Variants in DLG2 observed in about 807,000 individuals in gnomAD.
DLG2 encodes disks large homolog 2.
A neutral mutation model predicts 132.5 loss-of-function variants in DLG2; 45 were observed. The ratio of observed to expected loss-of-function variants is 0.34; its 90% CI spans 0.27 to 0.44. The LOEUF is 0.44. DLG2 is among the 20% of genes least tolerant of loss of function. DLG2 has a pLI of 1.00. For missense variants in DLG2, 1,045 were observed against 1,196.9 expected (o/e 0.87, Z 1.87); for synonymous variants, 424 against 419.6 (o/e 1.01, Z -0.13).
At chr11:84,213,484 TA>T (rs2096784759) in intron 8 of DLG2, among the ~76,000 whole-genome samples, 1 of 152,096 alleles carries the variant, frequency 6.6e-6, no homozygotes, top group Admixed American at 6.5e-5. Flanking sequence ...AAGAGTTTAT[TA>T]AAAATGTAAA....
chr11:83,679,020 G>A (rs554192254), intron 18 of DLG2, among the ~76,000 whole-genome samples: 1 of 152,168 alleles, frequency 6.6e-6, no homozygotes, highest in South Asian at 2.1e-4. Flanking sequence ...AGCAGATATG[G>A]GGCCAAGATC....
chr11:83,504,531 T>C (rs2094596525), intron 21 of DLG2, among the ~76,000 whole-genome samples: 1 of 152,160 alleles, frequency 6.6e-6, no homozygotes, highest in Non-Finnish European at 1.5e-5. Context: ...GACTTAAAAG[T>C]AGGAGGAGCC....
chr11:84,655,212 C>A (rs562096264), intron 6 of DLG2, among the ~76,000 whole-genome samples: 1 of 152,124 alleles, frequency 6.6e-6, no homozygotes, highest in Non-Finnish European at 1.5e-5. Context: ...TTCCTCCCGT[C>A]CCATTCCAAT....
chr11:85,517,924 A>T (rs2094200898), intron 3 of DLG2, among the ~76,000 whole-genome samples: 1 of 152,148 alleles, frequency 6.6e-6, no homozygotes, highest in South Asian at 2.1e-4. Context: ...TATTATAAGG[A>T]GAGTTTCCCT....
At chr11:85,217,203 T>G (rs2082674589) in intron 4 of DLG2, among the ~76,000 whole-genome samples, 1 of 152,014 alleles carries the variant, frequency 6.6e-6, no homozygotes, top group Admixed American at 6.6e-5. Flanking sequence ...TGATATGAAC[T>G]CAAACTCAAG....
intron 3 of DLG2, among the ~76,000 whole-genome samples, chr11:85,466,168 G>T (rs1597585554): frequency 6.6e-6 from 1 of 152,212 alleles, no homozygotes; most frequent in East Asian, 1.9e-4. Context: ...TTTTTTTCTT[G>T]TAAATTTGTT....
intron 9 of DLG2, among the ~76,000 whole-genome samples, chr11:84,105,443 T>C (rs1344631363): frequency 6.6e-6 from 1 of 152,158 alleles, no homozygotes; most frequent in East Asian, 1.9e-4. Flanking sequence ...CAATGTTAGT[T>C]CAATTCCTTT....
intron 6 of DLG2, among the ~76,000 whole-genome samples, chr11:84,821,250 A>G (rs1259774588): frequency 6.6e-6 from 1 of 151,806 alleles, no homozygotes; most frequent in Non-Finnish European, 1.5e-5. Flanking sequence ...ACTTACTACA[A>G]TCTTATGATT....
At chr11:85,028,645 T>C (rs1285863191) in intron 6 of DLG2, among the ~76,000 whole-genome samples, 1 of 152,124 alleles carries the variant, frequency 6.6e-6, no homozygotes, top group Non-Finnish European at 1.5e-5. Flanking sequence ...GTGCCTAGGC[T>C]CAGCCTCAAC....
At chr11:84,991,405 A>C (rs930162851) in intron 6 of DLG2, among the ~76,000 whole-genome samples, 1 of 151,672 alleles carries the variant, frequency 6.6e-6, no homozygotes, top group Admixed American at 6.6e-5. Flanking sequence ...GCTACTCAGA[A>C]GGCTGAAGTG....
intron 6 of DLG2, among the ~76,000 whole-genome samples, chr11:84,911,468 C>T: frequency 6.6e-6 from 1 of 151,726 alleles, no homozygotes; most frequent in East Asian, 1.9e-4. Context: ...AAAAACTTCT[C>T]AATTATTTGA....
At chr11:85,492,171 A>C (rs1211950477) in intron 3 of DLG2, among the ~76,000 whole-genome samples, 1 of 152,296 alleles carries the variant, frequency 6.6e-6, no homozygotes, top group Admixed American at 6.5e-5. Context: ...AATTCGCTCA[A>C]TTTAGCCATG....
chr11:84,961,529 TGTGTG>T (rs2052573898), intron 6 of DLG2, among the ~76,000 whole-genome samples: 3 of 27,448 alleles, frequency 1.1e-4, no homozygotes, highest in East Asian at 0.036. Flanking sequence ...TGTATCTTTG[TGTGTG>T]TGTGTGTGTG....
chr11:84,636,976 C>G (rs117498255), intron 6 of DLG2, among the ~76,000 whole-genome samples: 1 of 151,558 alleles, frequency 6.6e-6, no homozygotes, highest in South Asian at 2.1e-4. Context: ...TTAGTAGAGA[C>G]GGGTCTTCGC....
At chr11:85,517,558 T>G (rs1172426973) in intron 3 of DLG2, among the ~76,000 whole-genome samples, 1 of 151,894 alleles carries the variant, frequency 6.6e-6, no homozygotes, top group Non-Finnish European at 1.5e-5. Flanking sequence ...ACAAATTCAG[T>G]AAATGTTCAG....
intron 9 of DLG2, among the ~76,000 whole-genome samples, chr11:84,105,818 A>T (rs1057051401): frequency 1.3e-5 from 2 of 152,102 alleles, no homozygotes; most frequent in Non-Finnish European, 2.9e-5. Context: ...GCTTCCCTTA[A>T]CCCAGGAACA....
chr11:84,013,912 A>C (rs2095032561), intron 11 of DLG2, among the ~76,000 whole-genome samples: 1 of 149,734 alleles, frequency 6.7e-6, no homozygotes, highest in African/African-American at 2.5e-5. Flanking sequence ...TCAGTTAAAA[A>C]CTTCCTTAAT....
chr11:85,049,370 G>A (rs2062668643), intron 6 of DLG2, among the ~76,000 whole-genome samples: 1 of 151,976 alleles, frequency 6.6e-6, no homozygotes, highest in African/African-American at 2.4e-5. Flanking sequence ...TGCTGTGTTG[G>A]TCATCCTATC....
At position 84,260,298 on chromosome 11, in the gene DLG2, A is replaced by G. The variant is rs148894775; in HGVS notation, c.520-9007T>C. On this transcript the variant is annotated intron_variant, in intron 7 of 27. Coordinates refer to ENST00000376104, the MANE Select transcript of DLG2 (RefSeq NM_001142699.3). ...CCAAACAGAATTTTCTTCACTTTAT[A>G]AGTTTTTTCTAGAATCAATCCTATT... Among the ~76,000 whole-genome samples the G allele has an allele frequency of 3.6e-3, 551 of 152,168 alleles. 4 individuals carry two copies. The highest frequency in any genetic ancestry group is 0.012 in the African/African-American group (510 of 41,508).
Sources: allele counts gnomAD v4.1 joint callset (sites outside exome capture counted in the v4.1 genomes callset), GRCh38; gene constraint gnomAD v4.1.1; transcripts MANE v1.5; gene names NCBI Gene and HGNC (gene_info 2026-07-23, HGNC 2026-07-21).